The following RPE variants were observed in gnomAD, a reference collection of about 807,000 sequenced individuals.
RPE encodes ribulose-phosphate 3-epimerase.
Under a neutral mutation model 24.6 loss-of-function variants are expected in RPE, and 16 were observed. The observed-to-expected ratio is 0.65, with a 90% CI of 0.44 to 0.99. RPE has a LOEUF of 0.99. Ranked by LOEUF, RPE falls within the 50% of genes least tolerant of loss-of-function variation. The pLI, the probability that RPE is intolerant of heterozygous loss-of-function variation, is 0.00. For missense variants in RPE, 240 were observed against 294.5 expected (o/e 0.81, Z 1.35); for synonymous variants, 93 against 98.4 (o/e 0.94, Z 0.33).
intron 2 of RPE, among the ~76,000 whole-genome samples, chr2:210,013,447 C>G (rs1335712135): frequency 1.3e-5 from 2 of 151,776 alleles, no homozygotes; most frequent in African/African-American, 4.8e-5. Flanking sequence ...CCTCCAGTAG[C>G]TGGGACTGCA....
At chr2:210,014,274 A>G (rs2093740330) in intron 2 of RPE, among the ~76,000 whole-genome samples, 2 of 151,768 alleles carry the variant, frequency 1.3e-5, no homozygotes, top group African/African-American at 4.8e-5. Flanking sequence ...TATTTTTAGT[A>G]GAGATGGGGT....
At chr2:210,009,358 A>G (rs1166148439) in intron 1 of RPE, among the ~76,000 whole-genome samples, 3 of 152,214 alleles carry the variant, frequency 2.0e-5, no homozygotes, top group Admixed American at 2.0e-4. Context: ...TGGGCAAGTC[A>G]TAAAGCCTGA....
intron 1 of RPE, among the ~76,000 whole-genome samples, chr2:210,004,367 C>G (rs2093602549): frequency 6.6e-6 from 1 of 152,114 alleles, no homozygotes; most frequent in Non-Finnish European, 1.5e-5. Flanking sequence ...ACTCAAACAA[C>G]CGTTTGAAAT....
chr2:210,004,808 C>G (rs536726571), intron 1 of RPE, among the ~76,000 whole-genome samples: 1 of 152,202 alleles, frequency 6.6e-6, no homozygotes, highest in African/African-American at 2.4e-5. Flanking sequence ...TCACTTTTGT[C>G]CCCTTGCAGC....
chr2:210,012,451 T>A (rs568748063), intron 2 of RPE, among the ~76,000 whole-genome samples: 196 of 152,356 alleles, frequency 1.3e-3, no homozygotes, highest in Middle Eastern at 3.4e-3. Flanking sequence ...AATTAATAAA[T>A]CTTGGTCCCT....
intron 2 of RPE, among the ~76,000 whole-genome samples, chr2:210,012,487 T>C (rs2093714066): frequency 6.6e-6 from 1 of 152,234 alleles, no homozygotes; most frequent in South Asian, 2.1e-4. Context: ...TAATATTTTG[T>C]GTGGCAAAGT....
intron 1 of RPE, among the ~76,000 whole-genome samples, chr2:210,003,701 G>C (rs980543936): frequency 1.3e-5 from 2 of 152,176 alleles, no homozygotes; most frequent in African/African-American, 4.8e-5. Context: ...CCATTATCTT[G>C]AGTGGGGATG....
intron 3 of RPE, 41 bp from the exon 4 acceptor site, chr2:210,016,466 G>A: frequency 6.2e-7 from 1 of 1,613,678 alleles, no homozygotes. Flanking sequence ...TAATACAGAA[G>A]TAATTGTAAA....
rs1188192107 is a variant in RPE, at chr2:210,022,111, T to TGAG, written c.*2321_*2323dup. On this transcript the variant is annotated 3_prime_UTR_variant, in exon 6 of 6. Coordinates refer to ENST00000359429, the MANE Select transcript of RPE (RefSeq NM_199229.3). ...ACACATTAATTGGTAAAACTCAAAT[T>TGAG]GAGTTTTCAAAGATGTGATAGTATT... is the stretch of plus-strand genomic sequence containing the variant. 1 of 151,828 alleles carries TGAG rather than the reference T, an allele frequency of 6.6e-6. No homozygotes were observed. The highest frequency in any genetic ancestry group is 6.6e-5 in the Admixed American group (1 of 15,226). 9.4% of individuals were successfully genotyped at this position (151,828 alleles called of 1,614,324 possible). A position where few individuals can be genotyped will look rare whatever the true frequency, so the allele number is the denominator to read the frequency against.
intron 1 of RPE, among the ~76,000 whole-genome samples, chr2:210,005,322 C>T (rs74355767): frequency 0.011 from 1,639 of 152,194 alleles, 26 homozygotes; most frequent in African/African-American, 0.035. Flanking sequence ...TTCTAGTCTC[C>T]TCCCCACTAA....
chr2:210,003,516 A>T, intron 1 of RPE: 1 of 1,163,484 alleles, frequency 8.6e-7, no homozygotes, highest in Non-Finnish European at 1.1e-6. Flanking sequence ...TATTGTTTGG[A>T]GTCAGGATAT....
intron 2 of RPE, among the ~76,000 whole-genome samples, 182 bp from the exon 3 acceptor site, chr2:210,015,787 TTAAA>T (rs1194626414): frequency 6.6e-6 from 1 of 152,178 alleles, no homozygotes; most frequent in Non-Finnish European, 1.5e-5. Context: ...GTAAATGAAT[TTAAA>T]TAAATCCTTG....
chr2:210,014,495 A>G (rs936439266), intron 2 of RPE, among the ~76,000 whole-genome samples: 10 of 152,258 alleles, frequency 6.6e-5, no homozygotes, highest in African/African-American at 2.4e-4. Context: ...TACCTATTAA[A>G]ATATGTTCTA....
At chr2:210,004,593 G>A (rs1200228605) in intron 1 of RPE, among the ~76,000 whole-genome samples, 1 of 152,168 alleles carries the variant, frequency 6.6e-6, no homozygotes, top group Non-Finnish European at 1.5e-5. Context: ...CTAATAATTT[G>A]TGTATTTATT....
chr2:210,013,178 ACAT>A (rs1397527028), intron 2 of RPE, among the ~76,000 whole-genome samples: 1 of 152,238 alleles, frequency 6.6e-6, no homozygotes, highest in East Asian at 1.9e-4. Flanking sequence ...AAGTTACAGA[ACAT>A]CTGTATTACA....
intron 5 of RPE, among the ~76,000 whole-genome samples, 182 bp from the exon 6 acceptor site, chr2:210,019,487 T>C (rs552337398): frequency 4.5e-4 from 69 of 152,324 alleles, no homozygotes; most frequent in African/African-American, 1.6e-3. Flanking sequence ...GACATCCTCA[T>C]CTGTGAACAT....
At chr2:210,019,008 T>A (rs753520406) in intron 5 of RPE, among the ~76,000 whole-genome samples, 1 of 152,326 alleles carries the variant, frequency 6.6e-6, no homozygotes, top group African/African-American at 2.4e-5. Flanking sequence ...CAAAACAGAT[T>A]GGGTTTCCAT....
Position 210,020,357 on chromosome 2 carries a change from G to C in RPE, c.*566G>C, listed in dbSNP as rs1301725165. The C allele has an allele frequency of 6.0e-6, 1 of 166,878 alleles. No homozygotes were observed. Among genetic ancestry groups the C allele is most frequent in the Non-Finnish European group, 1.5e-5 (1 of 68,110 alleles). 10.3% of individuals were successfully genotyped at this position (166,878 alleles called of 1,614,324 possible). A position where few individuals can be genotyped will look rare whatever the true frequency, so the allele number is the denominator to read the frequency against. On this transcript the variant is annotated 3_prime_UTR_variant, in exon 6 of 6. Transcript: ENST00000359429. ...GAAACCCAGGGGTTCTAAAATACAA[G>C]CATAGATTTTATCAGGGTGTTTTGT...
intron 2 of RPE, among the ~76,000 whole-genome samples, chr2:210,011,425 C>A (rs190570573): frequency 1.3e-4 from 20 of 152,204 alleles, no homozygotes; most frequent in African/African-American, 4.8e-4. Context: ...CCTTTTCGCT[C>A]CCTTTTATTT....
Sources: gnomAD v4.1 joint callset for allele counts (sites outside exome capture counted in the v4.1 genomes callset) on GRCh38, gnomAD v4.1.1 for gene constraint, MANE v1.5 for transcripts, NCBI Gene and HGNC (gene_info 2026-07-23, HGNC 2026-07-21) for gene names.